SLMAP: variants seen among roughly 807,000 people sequenced by gnomAD.
SLMAP encodes sarcolemmal membrane-associated protein.
Under a neutral mutation model 128.8 loss-of-function variants are expected in SLMAP, and 44 were observed. That is an observed-to-expected ratio of 0.34 (90% CI 0.27 to 0.44). SLMAP has a LOEUF of 0.44. Among genes scored for constraint, SLMAP ranks in the 20% least tolerant of loss-of-function variants. The pLI, the probability that SLMAP is intolerant of heterozygous loss-of-function variation, is 1.00. For synonymous variants in SLMAP, 327 were observed against 348.8 expected, an observed-to-expected ratio of 0.94 and a Z score of 0.70; for missense variants, 787 against 985.3, an observed-to-expected ratio of 0.80 and a Z score of 2.69.
chr3:57,890,129 G>C, intron 15 of SLMAP, 29 bp downstream of exon 15: 1 of 1,608,694 alleles, frequency 6.2e-7, no homozygotes, highest in Non-Finnish European at 8.5e-7. Flanking sequence ...TATGTTTTTT[G>C]ACAGTTCTTT....
At chr3:57,855,218 A>C (rs2094711617) in intron 6 of SLMAP, among the ~76,000 whole-genome samples, 1 of 151,970 alleles carries the variant, frequency 6.6e-6, no homozygotes, top group African/African-American at 2.4e-5. Flanking sequence ...TCTCTACTAA[A>C]AATACAAAAA....
chr3:57,906,317 T>TTTTTTTTTTTTTTTTTTTTTTTTTTTTTG (rs1559513069), intron 17 of SLMAP, among the ~76,000 whole-genome samples: 1 of 121,716 alleles, frequency 8.2e-6, no homozygotes, highest in African/African-American at 3.1e-5. Flanking sequence ...TTTCTTTTTT[T>TTTTTTTTTTTTTTTTTTTTTTTTTTTTTG]TTTTTTTTTT....
intron 2 of SLMAP, among the ~76,000 whole-genome samples, chr3:57,821,494 A>C (rs990604666): frequency 1.3e-5 from 2 of 152,252 alleles, no homozygotes; most frequent in Non-Finnish European, 2.9e-5. Flanking sequence ...ACAATTAAAA[A>C]TTCCAGCCTC....
chr3:57,891,734 G>A (rs1055384847), intron 15 of SLMAP, among the ~76,000 whole-genome samples: 3 of 152,060 alleles, frequency 2.0e-5, no homozygotes, highest in Non-Finnish European at 2.9e-5. Context: ...ATGCCACCAT[G>A]CCTGGCTAAT....
intron 2 of SLMAP, among the ~76,000 whole-genome samples, chr3:57,785,603 A>G (rs1448837886): frequency 6.6e-6 from 1 of 152,226 alleles, no homozygotes; most frequent in African/African-American, 2.4e-5. Context: ...AAATAGCAAC[A>G]TACATGTAAA....
At chr3:57,841,628 T>A (rs1202809304) in intron 4 of SLMAP, among the ~76,000 whole-genome samples, 1 of 152,162 alleles carries the variant, frequency 6.6e-6, no homozygotes, top group African/African-American at 2.4e-5. Context: ...TATATTTTGA[T>A]GGATAATTAG....
intron 4 of SLMAP, among the ~76,000 whole-genome samples, chr3:57,846,600 A>G (rs201957138): frequency 6.9e-6 from 1 of 145,406 alleles, no homozygotes; most frequent in African/African-American, 2.6e-5. Flanking sequence ...TTTGTCACCC[A>G]GGCTGGAGTG....
In SLMAP at chr3:57,862,008, T is replaced by C; in HGVS notation, c.888T>C (p.Thr296=). The change falls in exon 10 of 25, where the codon ACT becomes ACC. Residue 296 remains threonine, a synonymous_variant. Transcript: ENST00000671191. Reference sequence around the variant, plus strand: ...ATCTGAAAGAAATGAATGAAAGGACTCAGGAAGAATTAAGAGAATTAGCCA... The same window carrying C: ...ATCTGAAAGAAATGAATGAAAGGACCCAGGAAGAATTAAGAGAATTAGCCA... ...CTHLKEMNER[T]QEELRELANK... is the part of the protein sequence containing the mutation. 6.2e-7 allele frequency: 1 copy of C among 1,607,500 alleles called. No individual in the cohort carries two copies. The highest frequency in any genetic ancestry group is 1.1e-5 in the South Asian group (1 of 90,934).
Position 57,908,200 on chromosome 3 carries a change from A to G in SLMAP, c.1624+194A>G, listed in dbSNP as rs75683522. Reference sequence around the variant, plus strand: ...AAATGAGGAGAGTTACAGTTGCTCTACCTTCACACTGTTGATGTGAAAATC... The same window carrying G: ...AAATGAGGAGAGTTACAGTTGCTCTGCCTTCACACTGTTGATGTGAAAATC... On this transcript the variant is annotated intron_variant, in intron 18 of 24. Transcript: ENST00000671191. 4.5e-3 allele frequency among the ~76,000 whole-genome samples: 685 copies of G among 152,370 alleles called. 4 individuals are homozygous for G. Among genetic ancestry groups the G allele is most frequent in the African/African-American group, 0.016 (647 of 41,588 alleles).
At chr3:57,783,026 A>G (rs1363461242) in intron 2 of SLMAP, among the ~76,000 whole-genome samples, 1 of 152,240 alleles carries the variant, frequency 6.6e-6, no homozygotes, top group East Asian at 1.9e-4. Flanking sequence ...ATATTGTGGT[A>G]TAGCAACACA....
intron 23 of SLMAP, among the ~76,000 whole-genome samples, chr3:57,924,957 GTTT>G (rs547751743): frequency 7.3e-6 from 1 of 136,808 alleles, no homozygotes. Flanking sequence ...TTTGTTTTTT[GTTT>G]TTTTTTTTTT....
rs562186361 is a variant in SLMAP, at chr3:57,828,458, T to C, written c.199-2925T>C. On this transcript the variant is annotated intron_variant, in intron 2 of 24. Coordinates refer to ENST00000671191, the MANE Select transcript of SLMAP (RefSeq NM_001377540.1). ...ATATTTCTGTAGAGAACTAAACTAA[T>C]GTGCTGTAGCTGTATACAAGTACAG... 2.6e-5 allele frequency among the ~76,000 whole-genome samples: 4 copies of C among 152,262 alleles called. No individual in the cohort carries two copies. In the South Asian group the frequency reaches 8.3e-4, roughly 32 times the overall value.
intron 2 of SLMAP, among the ~76,000 whole-genome samples, chr3:57,773,785 TTTA>T (rs1344211220): frequency 1.7e-4 from 26 of 151,784 alleles, no homozygotes; most frequent in African/African-American, 5.3e-4. Context: ...ATTAATATAA[TTTA>T]TTTTCTTTTA....
chr3:57,894,838 A>G (rs2096198045), intron 15 of SLMAP, among the ~76,000 whole-genome samples: 1 of 152,250 alleles, frequency 6.6e-6, no homozygotes, highest in Non-Finnish European at 1.5e-5. Context: ...TGAAGCTAGC[A>G]TGACCAGAGC....
rs572540582 is a variant in SLMAP, at chr3:57,806,220, C to G, written c.199-25163C>G. The stretch of plus-strand genomic sequence containing the variant: ...TCTCCCTCCCTTCGCCCCCTGCCCC[C>G]CAACTGGCCCTGGTGTGTGTTGTTC... On this transcript the variant is annotated intron_variant, in intron 2 of 24. Coordinates refer to ENST00000671191, the MANE Select transcript of SLMAP (RefSeq NM_001377540.1). Among the ~76,000 whole-genome samples, 8 of 152,096 alleles carry G rather than the reference C, an allele frequency of 5.3e-5. No individual in the cohort carries two copies. In the South Asian group the frequency reaches 1.2e-3, roughly 24 times the overall value.
chr3:57,848,533 T>G (rs893017652), intron 5 of SLMAP, among the ~76,000 whole-genome samples: 6 of 149,960 alleles, frequency 4.0e-5, no homozygotes, highest in African/African-American at 1.5e-4. Context: ...TCTTTCTCCT[T>G]CTTCCTTCCC....
intron 19 of SLMAP, among the ~76,000 whole-genome samples, chr3:57,911,802 A>G (rs1157089197): frequency 6.6e-6 from 1 of 152,138 alleles, no homozygotes; most frequent in Non-Finnish European, 1.5e-5. Context: ...CACATGAGTC[A>G]TCAGAAAAGG....
At chr3:57,835,437 C>G (rs1422578231) in intron 3 of SLMAP, among the ~76,000 whole-genome samples, 1 of 152,084 alleles carries the variant, frequency 6.6e-6, no homozygotes, top group Non-Finnish European at 1.5e-5. Flanking sequence ...CCAGCCTTGT[C>G]TCTAAAAACA....
At chr3:57,867,923 C>T (rs1043748894) in intron 13 of SLMAP, among the ~76,000 whole-genome samples, 3 of 152,078 alleles carry the variant, frequency 2.0e-5, no homozygotes, top group Non-Finnish European at 2.9e-5. Flanking sequence ...ATCTAATAAG[C>T]ATAAGCTGAA....
Sources: gnomAD v4.1 joint callset for allele counts (sites outside exome capture counted in the v4.1 genomes callset) on GRCh38, gnomAD v4.1.1 for gene constraint, MANE v1.5 for transcripts, NCBI Gene and HGNC (gene_info 2026-07-23, HGNC 2026-07-21) for gene names.